The following ARHGAP28 variants were observed in gnomAD, a reference collection of about 807,000 sequenced individuals.
ARHGAP28 encodes Rho GTPase activating protein 28.
In ARHGAP28, 56 loss-of-function variants were observed where a neutral mutation model predicts 90.7. That is an observed-to-expected ratio of 0.62 (90% CI 0.50 to 0.77). The LOEUF (loss-of-function observed/expected upper bound fraction) is 0.77. Ranked by LOEUF, ARHGAP28 falls within the 30% of genes least tolerant of loss-of-function variation. The pLI is 0.00. For missense variants in ARHGAP28, 869 were observed against 900.9 expected, an observed-to-expected ratio of 0.96 and a Z score of 0.45; for synonymous variants, 308 against 323.3, an observed-to-expected ratio of 0.95 and a Z score of 0.51.
At chr18:6,750,032 T>C (rs1276591564) in intron 1 of ARHGAP28, among the ~76,000 whole-genome samples, 1 of 152,132 alleles carries the variant, frequency 6.6e-6, no homozygotes, top group Non-Finnish European at 1.5e-5. Flanking sequence ...CTATTGGACT[T>C]TTCCTTTTGG....
At chr18:6,859,665 A>T in intron 4 of ARHGAP28, 143 bp from the exon 5 acceptor site, 1 of 784,592 alleles carries the variant, frequency 1.3e-6, no homozygotes, top group Non-Finnish European at 2.1e-6. Context: ...CTGCACTACC[A>T]GTTGGATGCA....
chr18:6,821,729 T>G (rs1232861010), intron 1 of ARHGAP28, among the ~76,000 whole-genome samples: 1 of 152,188 alleles, frequency 6.6e-6, no homozygotes, highest in Non-Finnish European at 1.5e-5. Flanking sequence ...AAGGAACCAG[T>G]GTGTTACTTA....
In ARHGAP28 at chr18:6,824,914, G is replaced by C; in HGVS notation, c.275G>C (p.Ser92Thr). The change falls in exon 2 of 18, where the codon AGC becomes ACC. Residue 92 changes from serine to threonine, a missense_variant. Physicochemically the swap from Ser to Thr is moderately conservative, Grantham distance 58. Coordinates refer to ENST00000383472, the MANE Select transcript of ARHGAP28 (RefSeq NM_001366230.1). Reference protein sequence around the residue: ...WREIESIKDSSMGGQEEPPPA... With the variant: ...WREIESIKDSTMGGQEEPPPA... Reference sequence around the variant, plus strand: ...GAAATAGAAAGTATTAAAGACAGCAGCATGGGAGGGCAAGAAGAGCCACCG... The same window carrying C: ...GAAATAGAAAGTATTAAAGACAGCACCATGGGAGGGCAAGAAGAGCCACCG... 1 of 1,535,914 alleles carries C rather than the reference G, an allele frequency of 6.5e-7. No homozygotes were observed. Among genetic ancestry groups the C allele is most frequent in the Non-Finnish European group, 8.7e-7 (1 of 1,146,840 alleles).
chr18:6,859,983 T>G, intron 5 of ARHGAP28, 86 bp downstream of exon 5: 2 of 1,152,106 alleles, frequency 1.7e-6, no homozygotes, highest in Non-Finnish European at 2.5e-6. Flanking sequence ...AAGAAGCAAT[T>G]CTTTAAAACA....
At chr18:6,876,345 T>C in intron 10 of ARHGAP28, 137 bp downstream of exon 10, 1 of 575,420 alleles carries the variant, frequency 1.7e-6, no homozygotes, top group Non-Finnish European at 3.0e-6. Context: ...CCTTGGTACC[T>C]GTGGTAAAAT....
chr18:6,745,284 A>G (rs1472237581), intron 1 of ARHGAP28, among the ~76,000 whole-genome samples: 1 of 152,164 alleles, frequency 6.6e-6, no homozygotes, highest in Non-Finnish European at 1.5e-5. Context: ...ATGGGCTTAG[A>G]GGCTTGACAG....
intron 1 of ARHGAP28, among the ~76,000 whole-genome samples, chr18:6,779,472 T>C (rs2056308167): frequency 1.3e-5 from 2 of 152,210 alleles, no homozygotes; most frequent in Admixed American, 1.3e-4. Context: ...TTGCATCTAC[T>C]TGGTTTTCAC....
intron 1 of ARHGAP28, among the ~76,000 whole-genome samples, chr18:6,747,923 T>C (rs1396632638): frequency 6.6e-6 from 1 of 152,166 alleles, no homozygotes; most frequent in Non-Finnish European, 1.5e-5. Context: ...CAAAGGCACA[T>C]GGGGTAAGCA....
chr18:6,828,495 C>T (rs1225867016), intron 2 of ARHGAP28, among the ~76,000 whole-genome samples: 4 of 152,072 alleles, frequency 2.6e-5, no homozygotes, highest in African/African-American at 7.2e-5. Flanking sequence ...AAAAATTATG[C>T]CAAGACTGAT....
intron 16 of ARHGAP28, 59 bp from the exon 17 acceptor site, chr18:6,908,901 A>AT: frequency 2.9e-6 from 3 of 1,045,892 alleles, no homozygotes; most frequent in Non-Finnish European, 4.4e-6. Flanking sequence ...TTTAACATGC[A>AT]TTTTTACCTC....
At chr18:6,858,338 C>G (rs2056970423) in intron 4 of ARHGAP28, among the ~76,000 whole-genome samples, 2 of 151,964 alleles carry the variant, frequency 1.3e-5, no homozygotes. Context: ...TTTTATGTTA[C>G]ATTTAGGAAG....
In ARHGAP28 at chr18:6,888,113, G is replaced by A. The variant is rs75353739; in HGVS notation, c.1536+874G>A. On this transcript the variant is annotated intron_variant, in intron 12 of 17. Transcript: ENST00000383472. ...AGAATTTGGTCATTTTACATATTAG[G>A]AAAATGAAGCAGAAAAGTGGTTTCT... 6.3e-3 allele frequency among the ~76,000 whole-genome samples: 959 copies of A among 152,230 alleles called. 9 individuals carry two copies. The highest frequency in any genetic ancestry group is 0.021 in the African/African-American group (892 of 41,526).
chr18:6,832,282 A>G (rs1020804816), intron 2 of ARHGAP28, among the ~76,000 whole-genome samples: 9 of 151,916 alleles, frequency 5.9e-5, no homozygotes, highest in Non-Finnish European at 1.0e-4. Context: ...CATAGTTTAT[A>G]TGTTTCAGTT....
chr18:6,889,954 A>T lies in ARHGAP28; in HGVS notation c.1603A>T (p.Ile535Phe), dbSNP rs1156871331. 3 of 1,614,096 alleles carry T rather than the reference A, an allele frequency of 1.9e-6. No homozygotes were observed. The highest frequency in any genetic ancestry group is 2.5e-6 in the Non-Finnish European group (3 of 1,180,024). Residue 535 changes from isoleucine to phenylalanine, a missense_variant, in exon 13 of 18, where the codon ATT becomes TTT. Ile to Phe is a conservative substitution (Grantham distance 21). Coordinates refer to ENST00000383472, the MANE Select transcript of ARHGAP28 (RefSeq NM_001366230.1). ...ESKNRMSLWN[I>F]STVMAPNLFF... ...AAAAAACCGAATGAGTCTGTGGAAC[A>T]TTTCTACAGTGATGGCACCAAACCT...
chr18:6,907,054 G>C (rs190960285), intron 16 of ARHGAP28, among the ~76,000 whole-genome samples: 1 of 152,132 alleles, frequency 6.6e-6, no homozygotes, highest in Non-Finnish European at 1.5e-5. Flanking sequence ...CCCATGAAAA[G>C]ATGTTCAACA....
At chr18:6,805,992 C>T (rs897770345) in intron 1 of ARHGAP28, among the ~76,000 whole-genome samples, 1 of 152,156 alleles carries the variant, frequency 6.6e-6, no homozygotes, top group Non-Finnish European at 1.5e-5. Flanking sequence ...TCAAGCAGTT[C>T]TCCTGCCTCA....
Position 6,896,508 on chromosome 18 carries a change from G to A in ARHGAP28, c.1912G>A (p.Val638Met), listed in dbSNP as rs2057305704. ...AATTTCTCCTCCTTGGCAGTCTGAC[G>A]TGCCGGAAGGAGTCATACGGGTCCA... is the stretch of plus-strand genomic sequence containing the variant. ...KSPSARRMSD[V>M]PEGVIRVHAP... Residue 638 changes from valine to methionine, a missense_variant, in exon 16 of 18, where the codon GTG becomes ATG. Coordinates refer to ENST00000383472, the MANE Select transcript of ARHGAP28 (RefSeq NM_001366230.1). The A allele has an allele frequency of 8.1e-6, 13 of 1,613,930 alleles. No individual in the cohort carries two copies. The highest frequency in any genetic ancestry group is 2.2e-5 in the South Asian group (2 of 91,038).
intron 17 of ARHGAP28, among the ~76,000 whole-genome samples, chr18:6,911,134 A>T (rs11659400): frequency 5.3e-5 from 8 of 151,884 alleles, no homozygotes; most frequent in Non-Finnish European, 8.8e-5. Context: ...GCGCTCGGCC[A>T]GCTCTTGGTA....
At chr18:6,829,748 C>T (rs546414067) in intron 2 of ARHGAP28, among the ~76,000 whole-genome samples, 4 of 152,304 alleles carry the variant, frequency 2.6e-5, no homozygotes, top group South Asian at 4.1e-4. Context: ...CGGCTTCTTT[C>T]ACTGAGCATA....
Sources: allele counts gnomAD v4.1 joint callset (sites outside exome capture counted in the v4.1 genomes callset), GRCh38; gene constraint gnomAD v4.1.1; transcripts MANE v1.5; gene names NCBI Gene and HGNC (gene_info 2026-07-23, HGNC 2026-07-21).